The following NME9 variants were observed in gnomAD, a reference collection of about 807,000 sequenced individuals.
NME9 encodes the protein NME/NM23 family member 9, also known as thioredoxin domain-containing protein 6.
NME9 carries 48 observed loss-of-function variants against 44.4 expected under a neutral mutation model. The ratio of observed to expected loss-of-function variants is 1.08; its 90% CI spans 0.86 to 1.37. NME9 has a LOEUF of 1.37. NME9 is among the 40% of genes most tolerant of loss of function. The pLI, the probability that NME9 is intolerant of heterozygous loss-of-function variation, is 0.00. For synonymous variants in NME9, 139 were observed against 147.1 expected, an observed-to-expected ratio of 0.94 and a Z score of 0.40; for missense variants, 325 against 405.2, an observed-to-expected ratio of 0.80 and a Z score of 1.70.
chr3:138,319,204 G>A (rs2053302672), intron 3 of NME9, among the ~76,000 whole-genome samples: 1 of 152,036 alleles, frequency 6.6e-6, no homozygotes, highest in South Asian at 2.1e-4. Flanking sequence ...AAAGAAGAGG[G>A]AGAATATGCA....
intron 8 of NME9, among the ~76,000 whole-genome samples, chr3:138,281,138 T>C (rs2049869451): frequency 6.6e-6 from 1 of 152,188 alleles, no homozygotes; most frequent in Admixed American, 6.5e-5. Context: ...AACCATAATT[T>C]ACCAGTCTCT....
chr3:138,322,851 A>C (rs1358135561), intron 2 of NME9, among the ~76,000 whole-genome samples: 3 of 152,200 alleles, frequency 2.0e-5, no homozygotes, highest in Non-Finnish European at 4.4e-5. Context: ...GGTGGCTGGC[A>C]CATGATACAT....
In NME9 at chr3:138,315,652, C is replaced by T. The variant is rs771269874; in HGVS notation, c.268-9G>A. 8.6e-6 allele frequency: 13 copies of T among 1,519,964 alleles called. No individual in the cohort carries two copies. The highest frequency in any genetic ancestry group is 3.9e-5 in the Admixed American group (2 of 50,930). The allele number at this position is 1,519,964 out of a possible 1,614,324, so 94.2% of individuals were successfully genotyped here. On this transcript the variant is annotated splice_polypyrimidine_tract_variant and intron_variant, in intron 4 of 10. Transcript: ENST00000333911. ...GCCACCAGTTCTCCTCCCTAGAATA[C>T]GTTACAAACAGCATGAAATACTCTT...
chr3:138,270,047 T>C, intron 8 of NME9: 1 of 1,612,522 alleles, frequency 6.2e-7, no homozygotes, highest in Non-Finnish European at 8.5e-7. Flanking sequence ...CAGCCAATTT[T>C]GGAATCAGGA....
intron 8 of NME9, chr3:138,274,387 C>G: frequency 9.2e-7 from 1 of 1,089,806 alleles, no homozygotes; most frequent in Admixed American, 1.9e-5. Context: ...CTTTTAGAAG[C>G]CTTGTATTCG....
intron 8 of NME9, chr3:138,290,573 G>A (rs1331825164): frequency 4.4e-6 from 7 of 1,606,786 alleles, no homozygotes; most frequent in Middle Eastern, 1.6e-4. Context: ...GATAAATTAC[G>A]AGACATGGGC....
intron 8 of NME9, among the ~76,000 whole-genome samples, chr3:138,291,494 T>C (rs2050947642): frequency 1.3e-5 from 2 of 152,220 alleles, no homozygotes; most frequent in Non-Finnish European, 2.9e-5. Flanking sequence ...TTTTAGGCAC[T>C]GGAGATATAA....
intron 2 of NME9, among the ~76,000 whole-genome samples, chr3:138,323,565 A>T (rs1267935901): frequency 6.6e-6 from 1 of 152,246 alleles, no homozygotes; most frequent in Non-Finnish European, 1.5e-5. Flanking sequence ...CAGGAGGGAC[A>T]TGACCACACA....
At chr3:138,271,216 T>C (rs1275927287) in intron 8 of NME9, among the ~76,000 whole-genome samples, 2 of 152,248 alleles carry the variant, frequency 1.3e-5, no homozygotes, top group Non-Finnish European at 2.9e-5. Context: ...GCACAGCTTT[T>C]AGCACTTCTC....
chr3:138,264,107 G>T (rs747521703), intron 8 of NME9: 3 of 1,599,022 alleles, frequency 1.9e-6, no homozygotes, highest in Non-Finnish European at 2.6e-6. Context: ...TTCTTGTGAA[G>T]CTAATTTTGA....
chr3:138,295,777 C>T, intron 8 of NME9: 1 of 1,501,462 alleles, frequency 6.7e-7, no homozygotes. Context: ...TAGACTTCCC[C>T]AGCTATCATC....
At chr3:138,288,828 G>A (rs2050674775) in intron 8 of NME9, among the ~76,000 whole-genome samples, 3 of 151,986 alleles carry the variant, frequency 2.0e-5, no homozygotes, top group Admixed American at 2.0e-4. Context: ...AGTAGAGACA[G>A]GGTTTCACTG....
At chr3:138,319,706 T>G (rs573134603) in intron 2 of NME9, 125 bp from the exon 3 acceptor site, 6 of 632,806 alleles carry the variant, frequency 9.5e-6, no homozygotes, top group Non-Finnish European at 1.4e-5. Flanking sequence ...ATCTAATGGT[T>G]AAAGGGATTT....
Position 138,306,458 on chromosome 3 carries a change from G to C in NME9, c.483C>G (p.Thr161=). 1 of 1,612,504 alleles carries C rather than the reference G, an allele frequency of 6.2e-7. No individual in the cohort carries two copies. The change falls in exon 7 of 11, where the codon ACC becomes ACG. Residue 161 remains threonine (T), a synonymous_variant. Coordinates refer to ENST00000333911, the MANE Select transcript of NME9 (RefSeq NM_001349018.2). Reference sequence around the variant, plus strand: ...CTGCATCTGGTTTAATGATGGCCAAGGTACAGGTCCTCTCTGATGAAACTA... The same window carrying C: ...CTGCATCTGGTTTAATGATGGCCAACGTACAGGTCCTCTCTGATGAAACTA... ...EDMVSSERTC[T]LAIIKPDAVA... is the part of the protein sequence containing the mutation.
intron 2 of NME9, among the ~76,000 whole-genome samples, chr3:138,321,431 C>G (rs2053456551): frequency 6.6e-6 from 1 of 152,232 alleles, no homozygotes; most frequent in Non-Finnish European, 1.5e-5. Flanking sequence ...TATAAGGGCA[C>G]TTAATGCCAC....
At chr3:138,312,990 G>C (rs1413322422) in intron 6 of NME9, among the ~76,000 whole-genome samples, 1 of 152,212 alleles carries the variant, frequency 6.6e-6, no homozygotes, top group Admixed American at 6.5e-5. Context: ...AAAATGGCCA[G>C]TGGGTATATG....
intron 8 of NME9, among the ~76,000 whole-genome samples, chr3:138,280,293 C>T (rs2049756234): frequency 6.7e-6 from 1 of 148,202 alleles, no homozygotes; most frequent in African/African-American, 2.5e-5. Flanking sequence ...TTTTTGGTTT[C>T]ATTGATTTTC....
At chr3:138,288,936 C>T (rs1328393051) in intron 8 of NME9, 1 of 814,338 alleles carries the variant, frequency 1.2e-6, no homozygotes, top group Non-Finnish European at 2.0e-6. Flanking sequence ...CTCACCTGGC[C>T]CTGCTTCAGA....
Position 138,318,138 on chromosome 3 carries a change from A to T in NME9, c.267+10T>A. 6.5e-7 allele frequency: 1 copy of T among 1,546,026 alleles called. No homozygotes were observed. On this transcript the variant is annotated intron_variant, in intron 4 of 10. Coordinates refer to ENST00000333911, the MANE Select transcript of NME9 (RefSeq NM_001349018.2). ...TCGTCAAATAGTTCTGATTCTGAAAATGTACTTACTGCATAAAACAGAAAG... is the reference window on the plus strand; with the variant it reads ...TCGTCAAATAGTTCTGATTCTGAAATTGTACTTACTGCATAAAACAGAAAG...
Sources: allele counts gnomAD v4.1 joint callset (sites outside exome capture counted in the v4.1 genomes callset), GRCh38; gene constraint gnomAD v4.1.1; transcripts MANE v1.5; gene names NCBI Gene and HGNC (gene_info 2026-07-23, HGNC 2026-07-21).